STAU2: variants seen among roughly 807,000 people sequenced by gnomAD.
STAU2 encodes staufen double-stranded RNA binding protein 2.
STAU2 carries 20 observed loss-of-function variants against 65.9 expected under a neutral mutation model. That is an observed-to-expected ratio of 0.30 (90% CI 0.21 to 0.44). STAU2 has a LOEUF of 0.44. Among genes scored for constraint, STAU2 ranks in the 20% least tolerant of loss-of-function variants. STAU2 has a pLI of 1.00. For synonymous variants in STAU2, 232 were observed against 233.9 expected (o/e 0.99, Z 0.07); for missense variants, 558 against 683.9 (o/e 0.82, Z 2.05).
intron 13 of STAU2, among the ~76,000 whole-genome samples, chr8:73,546,819 C>A (rs145040115): frequency 6.6e-6 from 1 of 152,156 alleles, no homozygotes; most frequent in Non-Finnish European, 1.5e-5. Flanking sequence ...TGTAGGTATA[C>A]AGCTGCCATC....
chr8:73,518,434 C>T (rs1358467330), intron 13 of STAU2, among the ~76,000 whole-genome samples: 2 of 152,104 alleles, frequency 1.3e-5, no homozygotes, highest in Non-Finnish European at 2.9e-5. Flanking sequence ...GACGTGCAGG[C>T]AATAAGGTCT....
intron 6 of STAU2, among the ~76,000 whole-genome samples, chr8:73,671,400 A>AC (rs1269574863): frequency 2.0e-5 from 3 of 152,034 alleles, no homozygotes; most frequent in South Asian, 2.1e-4. Flanking sequence ...AAACAAACAA[A>AC]AAAAAACAAA....
intron 13 of STAU2, among the ~76,000 whole-genome samples, chr8:73,543,673 C>G (rs956821217): frequency 6.6e-6 from 1 of 152,208 alleles, no homozygotes; most frequent in Non-Finnish European, 1.5e-5. Flanking sequence ...GGCAGAAACC[C>G]TGGCTATCAC....
chr8:73,632,573 T>G (rs896697508), intron 6 of STAU2, among the ~76,000 whole-genome samples: 4 of 152,198 alleles, frequency 2.6e-5, no homozygotes, highest in Admixed American at 2.6e-4. Flanking sequence ...ACACTTCTTA[T>G]GAGACTTAGA....
intron 13 of STAU2, among the ~76,000 whole-genome samples, chr8:73,532,129 T>C (rs533798266): frequency 1.3e-5 from 2 of 152,242 alleles, no homozygotes; most frequent in South Asian, 2.1e-4. Flanking sequence ...AACATTAACA[T>C]TGAAATAGAG....
chr8:73,483,910 G>C (rs1337099641), intron 13 of STAU2, among the ~76,000 whole-genome samples: 1 of 152,148 alleles, frequency 6.6e-6, no homozygotes, highest in Non-Finnish European at 1.5e-5. Flanking sequence ...GGTGTTTACA[G>C]AGTCACTGCT....
At chr8:73,602,824 A>G (rs186973319) in intron 10 of STAU2, among the ~76,000 whole-genome samples, 198 of 152,306 alleles carry the variant, frequency 1.3e-3, no homozygotes, top group Non-Finnish European at 2.3e-3. Context: ...AATCATGTCT[A>G]ATGTAAGAAA....
intron 13 of STAU2, among the ~76,000 whole-genome samples, chr8:73,423,231 A>G (rs1481730562): frequency 1.3e-5 from 2 of 152,196 alleles, no homozygotes; most frequent in African/African-American, 4.8e-5. Flanking sequence ...GGATGAGGAA[A>G]GAGAGAAAGT....
intron 12 of STAU2, among the ~76,000 whole-genome samples, chr8:73,568,152 T>G (rs1004673693): frequency 6.6e-6 from 1 of 152,202 alleles, no homozygotes; most frequent in Non-Finnish European, 1.5e-5. Context: ...TACTCTCACA[T>G]CTCTTATTTC....
chr8:73,495,662 AATATATATATATAT>A lies in STAU2; in HGVS notation c.1530+56336_1530+56349del, dbSNP rs3032943. Among the ~76,000 whole-genome samples, 9 of 132,510 alleles carry A rather than the reference AATATATATATATAT, an allele frequency of 6.8e-5. 1 individual carries two copies. The highest frequency in any genetic ancestry group is 2.5e-4 in the South Asian group (1 of 3,966). 86.9% of individuals were successfully genotyped at this position (132,510 alleles called of 152,430 possible). ...CTCTAAGGAATGATTCATAAAGCCA[AATATATATATATAT>A]ATATATATATATGTATAGTTAACAC... is the stretch of plus-strand genomic sequence containing the variant. On this transcript the variant is annotated intron_variant, in intron 13 of 14. Coordinates refer to ENST00000524300, the MANE Select transcript of STAU2 (RefSeq NM_001164380.2).
intron 13 of STAU2, 56 bp downstream of exon 13, chr8:73,551,956 G>C (rs1364674217): frequency 7.3e-6 from 11 of 1,514,904 alleles, no homozygotes; most frequent in Non-Finnish European, 9.7e-6. Flanking sequence ...GTATACAGAT[G>C]AAGAATCTGA....
At chr8:73,536,415 A>T (rs1411601312) in intron 13 of STAU2, among the ~76,000 whole-genome samples, 1 of 152,194 alleles carries the variant, frequency 6.6e-6, no homozygotes, top group Non-Finnish European at 1.5e-5. Flanking sequence ...CAACATATAA[A>T]TCTTTTAGGC....
chr8:73,446,576 G>C (rs1818479600), intron 13 of STAU2, among the ~76,000 whole-genome samples: 1 of 152,148 alleles, frequency 6.6e-6, no homozygotes, highest in Admixed American at 6.5e-5. Context: ...TAAATGCAAG[G>C]TAAAACAAGA....
intron 13 of STAU2, among the ~76,000 whole-genome samples, chr8:73,424,542 G>A (rs1274476445): frequency 6.6e-6 from 1 of 151,860 alleles, no homozygotes; most frequent in Admixed American, 6.6e-5. Context: ...AATGAGCTTC[G>A]TAGCTCCTTT....
At position 73,421,436 on chromosome 8, in the gene STAU2, T is replaced by C. The variant is rs903070575; in HGVS notation, c.1649A>G (p.Asp550Gly). The C allele has an allele frequency of 2.0e-6, 3 of 1,537,188 alleles. No individual in the cohort carries two copies. Among genetic ancestry groups the C allele is most frequent in the African/African-American group, 2.7e-5 (2 of 73,058 alleles). Residue 550 changes from aspartate to glycine, a missense_variant, in exon 15 of 15, where the codon GAC (aspartate) becomes GGC (glycine). Around this residue, in one of 3 missense-constraint regions of STAU2, gnomAD observed 247 missense variants for 270.1 expected, o/e 0.91. Coordinates refer to ENST00000524300, the MANE Select transcript of STAU2 (RefSeq NM_001164380.2). Reference protein sequence around the residue: ...KQAKHLREKADNNQAPPGSIA... With the variant: ...KQAKHLREKAGNNQAPPGSIA... ...GGAGCCCGGGGGTGCCTGGTTATTGTCCGCTTTCTCTCTCAGATGCTTGGC... is the reference window on the plus strand; with the variant it reads ...GGAGCCCGGGGGTGCCTGGTTATTGCCCGCTTTCTCTCTCAGATGCTTGGC...
chr8:73,636,283 G>C (rs889570572), intron 6 of STAU2, among the ~76,000 whole-genome samples: 23 of 151,786 alleles, frequency 1.5e-4, no homozygotes, highest in Middle Eastern at 6.8e-3. Flanking sequence ...AGGCGGAGGT[G>C]GGGGGATCAC....
chr8:73,442,243 A>G (rs1363693620), intron 13 of STAU2, among the ~76,000 whole-genome samples: 1 of 151,586 alleles, frequency 6.6e-6, no homozygotes, highest in Non-Finnish European at 1.5e-5. Flanking sequence ...AGTCTCAGCT[A>G]CTCGGGAGGC....
intron 6 of STAU2, among the ~76,000 whole-genome samples, chr8:73,620,137 A>G (rs533759178): frequency 2.4e-4 from 37 of 152,274 alleles, no homozygotes; most frequent in Admixed American, 1.5e-3. Flanking sequence ...TGACAGACTA[A>G]TATGAATAAC....
chr8:73,509,824 TA>T lies in STAU2; in HGVS notation c.1530+42187del, dbSNP rs145726303. ...AGAGATTTCTTCAATATACAACTGG[TA>T]AAAAAAAATTAAGAATAATATGCTT... On this transcript the variant is annotated intron_variant, in intron 13 of 14. Coordinates refer to ENST00000524300, the MANE Select transcript of STAU2 (RefSeq NM_001164380.2). 1.1e-3 allele frequency among the ~76,000 whole-genome samples: 161 copies of T among 151,832 alleles called. 1 individual carries two copies. The highest frequency in any genetic ancestry group is 7.7e-4 in the East Asian group (4 of 5,176).
Sources: gnomAD v4.1 joint callset for allele counts (sites outside exome capture counted in the v4.1 genomes callset) on GRCh38, gnomAD v4.1.1 for gene constraint, gnomAD v4.1.1 regional missense constraint, MANE v1.5 for transcripts, NCBI Gene and HGNC (gene_info 2026-07-23, HGNC 2026-07-21) for gene names.